Variants in SPSB1 observed in about 807,000 individuals in gnomAD.
The protein encoded by SPSB1 is SPRY domain-containing SOCS box protein 1.
In SPSB1, 8 loss-of-function variants were observed where a neutral mutation model predicts 21.2. The ratio of observed to expected loss-of-function variants is 0.38; its 90% CI spans 0.22 to 0.68. The LOEUF (loss-of-function observed/expected upper bound fraction) is 0.68, where lower values mean the gene tolerates loss of function less well. Ranked by LOEUF, SPSB1 falls within the 30% of genes least tolerant of loss-of-function variation. SPSB1 has a pLI of 0.53. For missense variants in SPSB1, 242 were observed against 377.8 expected (o/e 0.64, Z 2.98); for synonymous variants, 169 against 161.7 (o/e 1.05, Z -0.34).
Position 9,339,086 on chromosome 1 carries a change from C to T in SPSB1, c.-149-16657C>T, listed in dbSNP as rs571896902. On this transcript the variant is annotated intron_variant, in intron 1 of 2. Coordinates refer to ENST00000328089, the MANE Select transcript of SPSB1 (RefSeq NM_025106.4). ...CCCTTGGAGACGGTGGAGCTTGCTC[C>T]GGCCAGGGCTGATCCAGCCCAGGCA... 3.1e-3 allele frequency among the ~76,000 whole-genome samples: 465 copies of T among 152,268 alleles called. 1 individual carries two copies. Among genetic ancestry groups the T allele is most frequent in the African/African-American group, 9.8e-3 (409 of 41,558 alleles).
chr1:9,349,696 C>G (rs1640219924), intron 1 of SPSB1, among the ~76,000 whole-genome samples: 1 of 152,262 alleles, frequency 6.6e-6, no homozygotes, highest in East Asian at 1.9e-4. Context: ...AGATGAGATG[C>G]AGCTGTCTTC....
chr1:9,316,695 G>A (rs927683114), intron 1 of SPSB1, among the ~76,000 whole-genome samples: 4 of 152,228 alleles, frequency 2.6e-5, no homozygotes, highest in African/African-American at 9.6e-5. Context: ...GATTCCTGTG[G>A]CGCGGCACGG....
In SPSB1 at chr1:9,317,247, T is replaced by C. The variant is rs1380355556; in HGVS notation, c.-150+24176T>C. Among the ~76,000 whole-genome samples the C allele has an allele frequency of 6.6e-6, 1 of 152,062 alleles. No homozygotes were observed. Among genetic ancestry groups the C allele is most frequent in the Non-Finnish European group, 1.5e-5 (1 of 68,012 alleles). On this transcript the variant is annotated intron_variant, in intron 1 of 2. Coordinates refer to ENST00000328089, the MANE Select transcript of SPSB1 (RefSeq NM_025106.4). This position sits in a 1 kb window ranked among gnomAD's most constrained non-coding sequence, Gnocchi z 4.3. ...GTGATGCTGAAACTGGGCCTTGGGA[T>C]GTGTAAGCACTGGAGAGGGAGGAGG...
chr1:9,299,086 G>A (rs1252092271), intron 1 of SPSB1, among the ~76,000 whole-genome samples: 2 of 152,258 alleles, frequency 1.3e-5, no homozygotes, highest in East Asian at 3.8e-4. Context: ...TTTAGAAACT[G>A]ATAGTGGATT....
chr1:9,315,930 C>T (rs1402457014), intron 1 of SPSB1, among the ~76,000 whole-genome samples: 7 of 152,202 alleles, frequency 4.6e-5, no homozygotes, highest in African/African-American at 7.2e-5. Context: ...TCGCCAGTTA[C>T]GGGTTTCACG....
At position 9,317,879 on chromosome 1, in the gene SPSB1, C is replaced by T. The variant is rs1639640846; in HGVS notation, c.-150+24808C>T. On this transcript the variant is annotated intron_variant, in intron 1 of 2. Transcript: ENST00000328089. The surrounding 1 kb of genome is among the most constrained non-coding windows in gnomAD (Gnocchi z 4.3). Reference sequence around the variant, plus strand: ...TTTGAGACCCTGCAGATTGGCGGGTCGCTTTGGTGGGAGTTTCTTGCTTCC... The same window carrying T: ...TTTGAGACCCTGCAGATTGGCGGGTTGCTTTGGTGGGAGTTTCTTGCTTCC... Among the ~76,000 whole-genome samples the T allele has an allele frequency of 7.0e-6, 1 of 143,858 alleles. No homozygotes were observed. The highest frequency in any genetic ancestry group is 7.0e-5 in the Admixed American group (1 of 14,234). 94.4% of individuals were successfully genotyped at this position (143,858 alleles called of 152,430 possible).
chr1:9,366,794 G>C (rs9728078), intron 2 of SPSB1, among the ~76,000 whole-genome samples: 12,100 of 152,156 alleles, frequency 0.08, 615 homozygotes, highest in Non-Finnish European at 0.11. Flanking sequence ...GGCTGGTCTT[G>C]AACTCCTGGC....
intron 1 of SPSB1, among the ~76,000 whole-genome samples, chr1:9,319,052 C>G (rs1445660116): frequency 6.6e-6 from 1 of 152,090 alleles, no homozygotes; most frequent in Non-Finnish European, 1.5e-5. Flanking sequence ...GTGGCGCACC[C>G]CTGTAATCCC....
At chr1:9,334,230 C>T (rs1177989037) in intron 1 of SPSB1, among the ~76,000 whole-genome samples, 3 of 152,026 alleles carry the variant, frequency 2.0e-5, no homozygotes, top group Admixed American at 6.6e-5. Flanking sequence ...GGATTACAGG[C>T]GCCCACCACG....
intron 1 of SPSB1, among the ~76,000 whole-genome samples, chr1:9,336,672 A>G (rs1640008753): frequency 6.6e-6 from 1 of 152,200 alleles, no homozygotes; most frequent in South Asian, 2.1e-4. Context: ...GCGCTGGGCT[A>G]GTGAGGACGC....
At chr1:9,308,833 G>A (rs905107469) in intron 1 of SPSB1, among the ~76,000 whole-genome samples, 1 of 152,114 alleles carries the variant, frequency 6.6e-6, no homozygotes. Flanking sequence ...TTTCTACTGC[G>A]ACAGTGGAAC....
At chr1:9,357,201 GTGGATGGATCAGTGAATGAATGGATGGA>G in intron 2 of SPSB1, among the ~76,000 whole-genome samples, 1 of 146,756 alleles carries the variant, frequency 6.8e-6, no homozygotes, top group Non-Finnish European at 1.5e-5. Context: ...GGATGGATGG[GTGGATGGATCAGTGAATGAATGGATGGA>G]TGGATGGATG....
At position 9,348,329 on chromosome 1, in the gene SPSB1, T is replaced by C. The variant is rs939780169; in HGVS notation, c.-149-7414T>C. ...TCTAGCATCACATTCCTCTGTGCCT[T>C]GCATAATGAAAGCAAACCGTGGCTG... On this transcript the variant is annotated intron_variant, in intron 1 of 2. Transcript: ENST00000328089. This position sits in a 1 kb window ranked among gnomAD's most constrained non-coding sequence, Gnocchi z 4.8. 6.6e-6 allele frequency among the ~76,000 whole-genome samples: 1 copy of C among 152,052 alleles called. No homozygotes were observed. The highest frequency in any genetic ancestry group is 2.4e-5 in the African/African-American group (1 of 41,400).
chr1:9,363,525 T>G lies in SPSB1; in HGVS notation c.695-3923T>G, dbSNP rs374203854. 1.3e-3 allele frequency among the ~76,000 whole-genome samples: 202 copies of G among 152,204 alleles called. No individual in the cohort carries two copies. The highest frequency in any genetic ancestry group is 4.6e-3 in the African/African-American group (190 of 41,524). ...GTCCATGGCTCTCAGACCTTGGACC[T>G]GTAACTCTCACCTCCCCAAGCCCAT... On this transcript the variant is annotated intron_variant, in intron 2 of 2. Coordinates refer to ENST00000328089, the MANE Select transcript of SPSB1 (RefSeq NM_025106.4). This position sits in a 1 kb window ranked among gnomAD's most constrained non-coding sequence, Gnocchi z 4.5.
rs554882301 is a variant in SPSB1, at chr1:9,313,119, G to A, written c.-150+20048G>A. Among the ~76,000 whole-genome samples, 14 of 152,314 alleles carry A rather than the reference G, an allele frequency of 9.2e-5. No individual in the cohort carries two copies. In the South Asian group the frequency reaches 2.3e-3, roughly 25 times the overall value. On this transcript the variant is annotated intron_variant, in intron 1 of 2. Transcript: ENST00000328089. Reference sequence around the variant, plus strand: ...CCAAAGTTTAAAAAAAGTCAAGTCCGGGCGCGGTGGCTCATGCCAGTAATC... The same window carrying A: ...CCAAAGTTTAAAAAAAGTCAAGTCCAGGCGCGGTGGCTCATGCCAGTAATC...
In SPSB1 at chr1:9,292,953, C is replaced by CA. The variant is rs1639143303; in HGVS notation, c.-268_-267insA. On this transcript the variant is annotated 5_prime_UTR_variant, in exon 1 of 3. Transcript: ENST00000328089. The stretch of plus-strand genomic sequence containing the variant: ...GCAGCAGGAACCAGGCTCCAGGCGC[C>CA]GGCGCCGGGGCCGGGGCCGCGGGGA... 2 of 820,206 alleles carry CA rather than the reference C, an allele frequency of 2.4e-6. No individual in the cohort carries two copies. The highest frequency in any genetic ancestry group is 2.7e-6 in the Non-Finnish European group (2 of 748,124). 50.8% of individuals were successfully genotyped at this position (820,206 alleles called of 1,614,324 possible). A position where few individuals can be genotyped will look rare whatever the true frequency, so the allele number is the denominator to read the frequency against.
At chr1:9,344,010 G>T (rs1052874195) in intron 1 of SPSB1, among the ~76,000 whole-genome samples, 1 of 152,124 alleles carries the variant, frequency 6.6e-6, no homozygotes, top group Non-Finnish European at 1.5e-5. Flanking sequence ...GGATGGTCTC[G>T]ATCTCCTGAC....
chr1:9,341,646 A>T (rs1204569147), intron 1 of SPSB1, among the ~76,000 whole-genome samples: 1 of 152,136 alleles, frequency 6.6e-6, no homozygotes. Flanking sequence ...GATGTTTTCT[A>T]GCAGTTCGGA....
chr1:9,359,371 C>G (rs1640428541), intron 2 of SPSB1, among the ~76,000 whole-genome samples: 1 of 152,204 alleles, frequency 6.6e-6, no homozygotes, highest in Non-Finnish European at 1.5e-5. Flanking sequence ...AACCCGACAC[C>G]TCTGGACGCT....
Sources: gnomAD v4.1 joint callset for allele counts (sites outside exome capture counted in the v4.1 genomes callset) on GRCh38, gnomAD v4.1.1 for gene constraint, Gnocchi (gnomAD v3.1) non-coding constraint, MANE v1.5 for transcripts, NCBI Gene and HGNC (gene_info 2026-07-23, HGNC 2026-07-21) for gene names.